Variants in AP1B1 observed in about 807,000 individuals in gnomAD.
AP1B1 encodes adaptor related protein complex 1 subunit beta 1.
AP1B1 carries 36 observed loss-of-function variants against 104.3 expected under a neutral mutation model. The ratio of observed to expected loss-of-function variants is 0.35; its 90% CI spans 0.26 to 0.46. The LOEUF (loss-of-function observed/expected upper bound fraction) is 0.46. AP1B1 is among the 20% of genes least tolerant of loss of function. AP1B1 has a pLI of 1.00. For missense variants in AP1B1, 901 were observed against 1,247.9 expected (o/e 0.72, Z 4.19); for synonymous variants, 504 against 517.5 (o/e 0.97, Z 0.35).
At chr22:29,346,189 C>T (rs1181925432) in intron 11 of AP1B1, among the ~76,000 whole-genome samples, 2 of 152,194 alleles carry the variant, frequency 1.3e-5, no homozygotes, top group African/African-American at 4.8e-5. Context: ...GCTTGGATCT[C>T]AAACTTCAGA....
intron 1 of AP1B1, chr22:29,370,710 G>A (rs1397235298): frequency 1.3e-5 from 2 of 152,128 alleles, no homozygotes; most frequent in East Asian, 3.9e-4. Flanking sequence ...CTTTCTTTCT[G>A]GGGATTTAAA....
intron 16 of AP1B1, among the ~76,000 whole-genome samples, 182 bp downstream of exon 16, chr22:29,338,807 AG>A (rs1569153048): frequency 6.6e-6 from 1 of 152,058 alleles, no homozygotes; most frequent in Non-Finnish European, 1.5e-5. Flanking sequence ...TCCTCTGGAA[AG>A]CCTTCCTAGG....
intron 1 of AP1B1, among the ~76,000 whole-genome samples, chr22:29,375,178 G>A (rs1455764773): frequency 6.7e-5 from 10 of 149,056 alleles, no homozygotes; most frequent in East Asian, 2.0e-4. Flanking sequence ...GTGAAACCCC[G>A]TCTCTACTAA....
intron 2 of AP1B1, among the ~76,000 whole-genome samples, chr22:29,365,116 T>C (rs1373279573): frequency 6.6e-6 from 1 of 152,186 alleles, no homozygotes; most frequent in Non-Finnish European, 1.5e-5. Context: ...ATGGAGGCTG[T>C]GAGAGGCTCA....
At chr22:29,360,819 C>A (rs1468755717) in intron 3 of AP1B1, among the ~76,000 whole-genome samples, 2 of 152,184 alleles carry the variant, frequency 1.3e-5, no homozygotes, top group Non-Finnish European at 2.9e-5. Context: ...GGTTAGAGAT[C>A]AATTTTCTAT....
At chr22:29,333,973 A>C (rs2061599710) in intron 17 of AP1B1, among the ~76,000 whole-genome samples, 1 of 152,162 alleles carries the variant, frequency 6.6e-6, no homozygotes, top group African/African-American at 2.4e-5. Context: ...GCTGAGGCGG[A>C]AGAATTGCTT....
Position 29,330,702 on chromosome 22 carries a change from C to G in AP1B1, c.2532G>C (p.Gln844His). 3 of 1,612,376 alleles carry G rather than the reference C, an allele frequency of 1.9e-6. No homozygotes were observed. The highest frequency in any genetic ancestry group is 2.5e-6 in the Non-Finnish European group (3 of 1,179,762). ...TATCCTTCCATGTGGCCAGGAACAT[C>G]TGCCGGTCTGCGGGGTGAGCAGGGT... ...LFVEDGKMDR[Q>H]MFLATWKDIP... The change falls in exon 20 of 23, where the codon CAG becomes CAC. Residue 844 changes from glutamine to histidine, a missense_variant. Gln to His is a conservative substitution (Grantham distance 24). This residue lies in a region of AP1B1 where 424 missense variants were observed against 494.0 expected (regional missense o/e 0.86). Transcript: ENST00000357586.
In AP1B1 at chr22:29,334,425, G is replaced by A. The variant is rs1193215679; in HGVS notation, c.2164-15C>T. On this transcript the variant is annotated splice_polypyrimidine_tract_variant and intron_variant, in intron 16 of 22. Coordinates refer to ENST00000357586, the MANE Select transcript of AP1B1 (RefSeq NM_001127.4). ...GGGAGCCAGACCTGCAGGGAAGAGG[G>A]TGCGGAGGGGGCGGGTAGGTGCCTC... 3 of 1,593,474 alleles carry A rather than the reference G, an allele frequency of 1.9e-6. No homozygotes were observed. The highest frequency in any genetic ancestry group is 1.9e-5 in the Admixed American group (1 of 54,036).
At chr22:29,374,203 A>G (rs2062294400) in intron 1 of AP1B1, among the ~76,000 whole-genome samples, 1 of 152,202 alleles carries the variant, frequency 6.6e-6, no homozygotes, top group East Asian at 1.9e-4. Context: ...CTCTGTCTAA[A>G]AAAAAATTTT....
intron 1 of AP1B1, among the ~76,000 whole-genome samples, chr22:29,386,336 A>G (rs1250201564): frequency 6.6e-6 from 1 of 152,112 alleles, no homozygotes; most frequent in East Asian, 1.9e-4. Flanking sequence ...TTTCCATCAT[A>G]CCTCTGGGCT....
rs2061677170 is a variant in AP1B1 at position 29,339,085 on chromosome 22, T to C, written c.2068A>G (p.Asn690Asp). 1 of 1,614,054 alleles carries C rather than the reference T, an allele frequency of 6.2e-7. No homozygotes were observed. Among genetic ancestry groups the C allele is most frequent in the Admixed American group, 1.7e-5 (1 of 60,000 alleles). ...VAPPTAAVPA[N>D]LGAPIGSGLS... is the part of the protein sequence containing the mutation. ...CCACTGCCGATGGGTGCTCCAAGAT[T>C]GGCTGGTACTGCTGCTGTTGGAGGT... The change falls in exon 16 of 23, where the codon AAT (asparagine) becomes GAT (aspartate). Residue 690 changes from asparagine to aspartate, a missense_variant. By Grantham distance (23) the Asn-to-Asp change is conservative. This residue lies in a region of AP1B1 where 424 missense variants were observed against 494.0 expected (regional missense o/e 0.86). Coordinates refer to ENST00000357586, the MANE Select transcript of AP1B1 (RefSeq NM_001127.4).
chr22:29,351,952 C>A, intron 7 of AP1B1, 127 bp from the exon 8 acceptor site: 1 of 1,283,938 alleles, frequency 7.8e-7, no homozygotes, highest in South Asian at 1.4e-5. Flanking sequence ...AAGGCAGAGT[C>A]ACTGCCATGG....
chr22:29,371,401 C>T (rs1602787479), intron 1 of AP1B1, among the ~76,000 whole-genome samples: 1 of 152,294 alleles, frequency 6.6e-6, no homozygotes, highest in East Asian at 1.9e-4. Flanking sequence ...AGACCTTGTT[C>T]TCTGATGAAT....
intron 16 of AP1B1, among the ~76,000 whole-genome samples, chr22:29,334,919 T>C (rs1290181365): frequency 6.6e-6 from 1 of 152,208 alleles, no homozygotes; most frequent in Non-Finnish European, 1.5e-5. Context: ...CCAAGGACAG[T>C]ACCTAAGAGG....
At chr22:29,352,536 C>T (rs925315154) in intron 7 of AP1B1, among the ~76,000 whole-genome samples, 4 of 152,190 alleles carry the variant, frequency 2.6e-5, no homozygotes, top group Non-Finnish European at 5.9e-5. Flanking sequence ...GGAAGCCTCT[C>T]ATGGAACCCT....
intron 18 of AP1B1, 39 bp downstream of exon 18, chr22:29,331,748 T>C (rs1208712289): frequency 6.2e-7 from 1 of 1,613,858 alleles, no homozygotes; most frequent in South Asian, 1.1e-5. Flanking sequence ...GGCTGGTAGG[T>C]GAGTAAGGAC....
intron 3 of AP1B1, among the ~76,000 whole-genome samples, chr22:29,362,760 C>T (rs1307151346): frequency 6.6e-6 from 1 of 152,230 alleles, no homozygotes; most frequent in Non-Finnish European, 1.5e-5. Flanking sequence ...ACTCCATTGC[C>T]TGCTGCCTTT....
At chr22:29,338,504 T>C (rs2061668933) in intron 16 of AP1B1, among the ~76,000 whole-genome samples, 1 of 152,214 alleles carries the variant, frequency 6.6e-6, no homozygotes, top group South Asian at 2.1e-4. Flanking sequence ...CTCTCCCTTT[T>C]ATGTCTCCTC....
intron 1 of AP1B1, among the ~76,000 whole-genome samples, chr22:29,384,452 C>T (rs2062489129): frequency 6.7e-6 from 1 of 150,326 alleles, no homozygotes. Context: ...TCAAGGAATC[C>T]TAACAATTCA....
Sources: gnomAD v4.1 joint callset for allele counts (sites outside exome capture counted in the v4.1 genomes callset) on GRCh38, gnomAD v4.1.1 for gene constraint, gnomAD v4.1.1 regional missense constraint, MANE v1.5 for transcripts, NCBI Gene and HGNC (gene_info 2026-07-23, HGNC 2026-07-21) for gene names.